Variants in S1PR3 observed in about 807,000 individuals in gnomAD.
S1PR3 encodes sphingosine-1-phosphate receptor 3.
A neutral mutation model predicts 13.3 loss-of-function variants in S1PR3; 12 were observed. The ratio of observed to expected loss-of-function variants is 0.90; its 90% CI spans 0.58 to 1.46. The LOEUF is 1.46. S1PR3 is among the 40% of genes most tolerant of loss of function. The pLI is 0.00. For missense variants in S1PR3, 450 were observed against 501.9 expected (o/e 0.90, Z 0.99); for synonymous variants, 232 against 214.0 (o/e 1.08, Z -0.73).
rs762084428 is a variant in S1PR3 at position 88,991,509 on chromosome 9, T to C, written c.-334T>C. ...GGTTCCGGGGACGGGCAACAGGGAC[T>C]CAGGGACCAGAAGGCGGCTGCAGGA... On this transcript the variant is annotated 5_prime_UTR_variant, in exon 1 of 2. Coordinates refer to ENST00000358157, the MANE Select transcript of S1PR3 (RefSeq NM_005226.4). This position sits in a 1 kb window ranked among gnomAD's most constrained non-coding sequence, Gnocchi z 4.0. The C allele has an allele frequency of 8.4e-6, 13 of 1,547,776 alleles. No homozygotes were observed. The African/African-American group carries it at 1.8e-4, about 21-fold the overall frequency.
In S1PR3 at chr9:89,001,222, C is replaced by T. The variant is rs1214707120; in HGVS notation, c.22C>T (p.Arg8Cys). 1 of 1,612,906 alleles carries T rather than the reference C, an allele frequency of 6.2e-7. No homozygotes were observed. The highest frequency in any genetic ancestry group is 8.5e-7 in the Non-Finnish European group (1 of 1,179,024). Residue 8 changes from arginine to cysteine, a missense_variant, in exon 2 of 2, where the codon CGT becomes TGT. Physicochemically the swap from Arg to Cys is radical, Grantham distance 180 (BLOSUM62 -3). Coordinates refer to ENST00000358157, the MANE Select transcript of S1PR3 (RefSeq NM_005226.4). ...AGTGATGGCAACTGCCCTCCCGCCG[C>T]GTCTCCAGCCGGTGCGGGGGAACGA... MATALPP[R>C]LQPVRGNETL...
In S1PR3 at chr9:89,002,641, C is replaced by G. The variant is rs987642423; in HGVS notation, c.*304C>G. The G allele has an allele frequency of 9.9e-4, 445 of 451,524 alleles. 5 individuals are homozygous for G. The highest frequency in any genetic ancestry group is 1.8e-3 in the Middle Eastern group (3 of 1,636). The allele number at this position is 451,524 out of a possible 1,614,324, so 28.0% of individuals were successfully genotyped here. A position where few individuals can be genotyped will look rare whatever the true frequency, so the allele number is the denominator to read the frequency against. ...GTTCACAGAGAGGGAAGGTCGTGGG[C>G]CACACAATGCTGTGTGACCCTCTCC... On this transcript the variant is annotated 3_prime_UTR_variant, in exon 2 of 2. Transcript: ENST00000358157.
At chr9:88,992,985 A>T (rs1020304033) in intron 1 of S1PR3, 1 of 152,646 alleles carries the variant, frequency 6.6e-6, no homozygotes, top group Non-Finnish European at 1.5e-5. Flanking sequence ...AACACCAGAG[A>T]TACAAACTGA....
chr9:88,998,146 C>G (rs369129166), intron 1 of S1PR3: 12 of 152,176 alleles, frequency 7.9e-5, no homozygotes, highest in African/African-American at 2.9e-4. Flanking sequence ...TAGTGATTCT[C>G]CAGTTCCTGT....
chr9:88,998,107 T>G (rs2118597051), intron 1 of S1PR3: 1 of 152,020 alleles, frequency 6.6e-6, no homozygotes, highest in Admixed American at 6.5e-5. Flanking sequence ...TGATCAGGGG[T>G]GGAAACCCAG....
In S1PR3 at chr9:88,991,978, T is replaced by C; in HGVS notation, c.-148+283T>C. On this transcript the variant is annotated intron_variant, in intron 1 of 1. Transcript: ENST00000358157. The surrounding 1 kb of genome is among the most constrained non-coding windows in gnomAD (Gnocchi z 4.0). ...GAGAAGTTCCATCAGTCGTTTTCCT[T>C]GGACAATTAACAAGTTAGGCTTCCA... 1 of 1,614,236 alleles carries C rather than the reference T, an allele frequency of 6.2e-7. No individual in the cohort carries two copies. Among genetic ancestry groups the C allele is most frequent in the Admixed American group, 1.7e-5 (1 of 60,036 alleles).
chr9:88,999,685 T>TA (rs1213360515), intron 1 of S1PR3: 1 of 152,212 alleles, frequency 6.6e-6, no homozygotes, highest in Non-Finnish European at 1.5e-5. Flanking sequence ...CATTTGAACT[T>TA]AATTACATAT....
Position 88,991,671 on chromosome 9 carries a change from G to A in S1PR3, c.-172G>A. On this transcript the variant is annotated 5_prime_UTR_variant, in exon 1 of 2. Coordinates refer to ENST00000358157, the MANE Select transcript of S1PR3 (RefSeq NM_005226.4). The surrounding 1 kb of genome is among the most constrained non-coding windows in gnomAD (Gnocchi z 4.0). ...CGCGCCACCCGCTAGGATGCCGGTG[G>A]CCCCAGCGCCCTCAGCCGACGGAGG... 6.6e-7 allele frequency: 1 copy of A among 1,512,198 alleles called. No homozygotes were observed. Among genetic ancestry groups the A allele is most frequent in the South Asian group, 1.3e-5 (1 of 78,114 alleles). 93.7% of individuals were successfully genotyped at this position (1,512,198 alleles called of 1,614,324 possible). A position where few individuals can be genotyped will look rare whatever the true frequency, so the allele number is the denominator to read the frequency against.
upstream of S1PR3, chr9:88,991,160 C>A: frequency 6.2e-7 from 1 of 1,608,546 alleles, no homozygotes; most frequent in Non-Finnish European, 8.5e-7. This position sits in a 1 kb window ranked among gnomAD's most constrained non-coding sequence, Gnocchi z 4.0. Context: ...GTTTCTGCAC[C>A]TGGAGCTCGC....
rs547330379 is a variant in S1PR3, at chr9:89,001,087, C to T, written c.-114C>T. On this transcript the variant is annotated 5_prime_UTR_variant, in exon 2 of 2. Coordinates refer to ENST00000358157, the MANE Select transcript of S1PR3 (RefSeq NM_005226.4). ...TTTCAACGCCCTCGCTGGAGTCTGGCCTGCACGCCTTGCTGAATGAAGCCG... is the reference window on the plus strand; with the variant it reads ...TTTCAACGCCCTCGCTGGAGTCTGGTCTGCACGCCTTGCTGAATGAAGCCG... The T allele has an allele frequency of 4.1e-6, 5 of 1,230,914 alleles. No homozygotes were observed. The East Asian group carries it at 1.2e-4, about 29-fold the overall frequency. The allele number at this position is 1,230,914 out of a possible 1,614,324, so 76.2% of individuals were successfully genotyped here. A position where few individuals can be genotyped will look rare whatever the true frequency, so the allele number is the denominator to read the frequency against.
chr9:88,997,382 T>A (rs955797757), intron 1 of S1PR3: 7 of 152,274 alleles, frequency 4.6e-5, no homozygotes, highest in Admixed American at 1.3e-4. Context: ...CCCTCTTCTC[T>A]CCATTCCCGG....
Position 89,001,667 on chromosome 9 carries a change from TCCTG to T in S1PR3, c.468_471del (p.Leu157SerfsTer52), listed in dbSNP as rs749397534. On this transcript the variant is annotated frameshift_variant, in exon 2 of 2. Transcript: ENST00000358157. LOFTEE classifies it high-confidence loss of function. ...GCCAACAAGAGGCACCGCGTCTTCCTCCTGATCGGGATGTGCTGGCTCATTGCCT... is the reference window on the plus strand; with the variant it reads ...GCCAACAAGAGGCACCGCGTCTTCCTATCGGGATGTGCTGGCTCATTGCCT... 1 of 1,614,216 alleles carries T rather than the reference TCCTG, an allele frequency of 6.2e-7. No homozygotes were observed. The highest frequency in any genetic ancestry group is 1.1e-5 in the South Asian group (1 of 91,088).
chr9:88,991,885 A>G lies in S1PR3; in HGVS notation c.-148+190A>G. 8 of 1,614,160 alleles carry G rather than the reference A, an allele frequency of 5.0e-6. No individual in the cohort carries two copies. The highest frequency in any genetic ancestry group is 6.8e-6 in the Non-Finnish European group (8 of 1,180,014). ...CAGGAACAGGGAGGAGGCCTTTTCCACCGCACCCGGAGCGTTTACAACGGG... is the reference window on the plus strand; with the variant it reads ...CAGGAACAGGGAGGAGGCCTTTTCCGCCGCACCCGGAGCGTTTACAACGGG... On this transcript the variant is annotated intron_variant, in intron 1 of 1. Coordinates refer to ENST00000358157, the MANE Select transcript of S1PR3 (RefSeq NM_005226.4). The surrounding 1 kb of genome is among the most constrained non-coding windows in gnomAD (Gnocchi z 4.0).
upstream of S1PR3, chr9:88,991,201 G>A (rs767757524): frequency 7.6e-6 from 12 of 1,588,338 alleles, no homozygotes; most frequent in Non-Finnish European, 1.0e-5. The surrounding 1 kb of genome is among the most constrained non-coding windows in gnomAD (Gnocchi z 4.0). Context: ...AGGCCGGCCT[G>A]GGAACAGGGG....
intron 1 of S1PR3, chr9:88,999,071 T>C (rs1337824242): frequency 1.3e-5 from 2 of 152,366 alleles, no homozygotes; most frequent in African/African-American, 2.4e-5. Context: ...GGCTGCTTTT[T>C]CTTTCTGCAG....
Position 89,001,480 on chromosome 9 carries a change from G to A in S1PR3, c.280G>A (p.Val94Ile). The change falls in exon 2 of 2, where the codon GTC becomes ATC. Residue 94 changes from valine (V) to isoleucine (I), a missense_variant. Transcript: ENST00000358157. ...CCTGCTGGCCGGCATCGCTTACAAGGTCAACATTCTGATGTCTGGCAAGAA... is the reference window on the plus strand; with the variant it reads ...CCTGCTGGCCGGCATCGCTTACAAGATCAACATTCTGATGTCTGGCAAGAA... ...CDLLAGIAYK[V>I]NILMSGKKTF... 1.2e-6 allele frequency: 2 copies of A among 1,614,228 alleles called. No individual in the cohort carries two copies. Among genetic ancestry groups the A allele is most frequent in the Non-Finnish European group, 1.7e-6 (2 of 1,180,046 alleles).
In S1PR3 at chr9:89,003,558, C is replaced by A. The variant is rs1825896930; in HGVS notation, c.*1221C>A. ...GTTGAACCCGTAGCAGTCTGTTTAC[C>A]TTGTAAAGGGATTACTTAGAAGACA... On this transcript the variant is annotated 3_prime_UTR_variant, in exon 2 of 2. Transcript: ENST00000358157. 1 of 167,040 alleles carries A rather than the reference C, an allele frequency of 6.0e-6. No homozygotes were observed. The highest frequency in any genetic ancestry group is 6.5e-5 in the Admixed American group (1 of 15,290). The allele number at this position is 167,040 out of a possible 1,614,324, so 10.3% of individuals were successfully genotyped here.
intron 1 of S1PR3, chr9:88,997,593 A>T (rs908517449): frequency 2.0e-5 from 3 of 152,226 alleles, no homozygotes; most frequent in African/African-American, 7.2e-5. Flanking sequence ...AGGAACATGG[A>T]GCTGTACTTG....
chr9:88,991,499 C>A lies in S1PR3; in HGVS notation c.-344C>A. 1.3e-6 allele frequency: 2 copies of A among 1,548,020 alleles called. No homozygotes were observed. The highest frequency in any genetic ancestry group is 1.7e-6 in the Non-Finnish European group (2 of 1,146,006). ...CGAGGAAGCCGGTTCCGGGGACGGG[C>A]AACAGGGACTCAGGGACCAGAAGGC... is the stretch of plus-strand genomic sequence containing the variant. On this transcript the variant is annotated 5_prime_UTR_variant, in exon 1 of 2. Coordinates refer to ENST00000358157, the MANE Select transcript of S1PR3 (RefSeq NM_005226.4). The surrounding 1 kb of genome is among the most constrained non-coding windows in gnomAD (Gnocchi z 4.0).
Sources: allele counts gnomAD v4.1 joint callset, GRCh38; gene constraint gnomAD v4.1.1; non-coding constraint Gnocchi (gnomAD v3.1); transcripts MANE v1.5; gene names NCBI Gene and HGNC (gene_info 2026-07-23, HGNC 2026-07-21).